The following RTN3 variants were observed in gnomAD, a reference collection of about 807,000 sequenced individuals.
RTN3 encodes the protein reticulon 3.
RTN3 carries 49 observed loss-of-function variants against 77.8 expected under a neutral mutation model. The ratio of observed to expected loss-of-function variants is 0.63; its 90% CI spans 0.50 to 0.80. The LOEUF (loss-of-function observed/expected upper bound fraction) is 0.80, where lower values mean the gene tolerates loss of function less well. Among genes scored for constraint, RTN3 ranks in the 30% least tolerant of loss-of-function variants. The probability of loss-of-function intolerance (pLI) is 0.00; values close to 1 mark genes in which losing one functional copy is unlikely to be tolerated. For missense variants in RTN3, 1,236 were observed against 1,211.9 expected, an observed-to-expected ratio of 1.02 and a Z score of -0.29; for synonymous variants, 464 against 446.9, an observed-to-expected ratio of 1.04 and a Z score of -0.48.
chr11:63,694,888 GA>G (rs1590787431), intron 1 of RTN3, among the ~76,000 whole-genome samples: 1 of 152,220 alleles, frequency 6.6e-6, no homozygotes, highest in East Asian at 1.9e-4. Context: ...ATGGTGCAAA[GA>G]AAGCTTTCCA....
intron 1 of RTN3, among the ~76,000 whole-genome samples, chr11:63,695,107 C>T (rs1364242594): frequency 6.6e-6 from 1 of 152,134 alleles, no homozygotes; most frequent in Non-Finnish European, 1.5e-5. Flanking sequence ...TATGAAGCTC[C>T]TGTAATATTC....
chr11:63,747,691 C>T (rs2013877228), intron 3 of RTN3, among the ~76,000 whole-genome samples: 1 of 152,184 alleles, frequency 6.6e-6, no homozygotes, highest in South Asian at 2.1e-4. Context: ...GAACTAGGTA[C>T]CCTCAAGACA....
At chr11:63,707,187 C>T (rs1942535989) in intron 2 of RTN3, among the ~76,000 whole-genome samples, 1 of 152,130 alleles carries the variant, frequency 6.6e-6, no homozygotes, top group Admixed American at 6.6e-5. Flanking sequence ...GCATGAGTCA[C>T]GTCGCCAGGC....
chr11:63,740,109 G>T (rs1472092271), intron 3 of RTN3, among the ~76,000 whole-genome samples: 1 of 152,116 alleles, frequency 6.6e-6, no homozygotes, highest in East Asian at 1.9e-4. Flanking sequence ...CCCCATAGGT[G>T]ATGTATCATA....
Position 63,719,252 on chromosome 11 carries a change from A to C in RTN3, c.750A>C (p.Val250=). 6.2e-7 allele frequency: 1 copy of C among 1,614,130 alleles called. No individual in the cohort carries two copies. Among genetic ancestry groups the C allele is most frequent in the Non-Finnish European group, 8.5e-7 (1 of 1,179,978 alleles). The stretch of plus-strand genomic sequence containing the variant: ...ATTCCCCTGAATCACCATTTGAAGT[A>C]ATTATTGACAAAGCAGCATTTGACA... ...EKDSPESPFE[V]IIDKAAFDKE... Residue 250 remains valine, a synonymous_variant, in exon 3 of 9, where the codon GTA becomes GTC. Coordinates refer to ENST00000377819, the MANE Select transcript of RTN3 (RefSeq NM_001265589.2).
At chr11:63,723,748 G>A (rs373417435) in intron 3 of RTN3, among the ~76,000 whole-genome samples, 1 of 152,060 alleles carries the variant, frequency 6.6e-6, no homozygotes, top group Non-Finnish European at 1.5e-5. Flanking sequence ...TTTTAAATAC[G>A]TGTATCTGCA....
intron 3 of RTN3, among the ~76,000 whole-genome samples, chr11:63,735,889 A>G (rs755735977): frequency 2.0e-5 from 3 of 152,182 alleles, no homozygotes; most frequent in Non-Finnish European, 1.5e-5. Context: ...AACTTGGAAC[A>G]TTTATTTAAA....
chr11:63,708,463 C>T (rs1762785983), intron 2 of RTN3, among the ~76,000 whole-genome samples: 1 of 152,048 alleles, frequency 6.6e-6, no homozygotes, highest in South Asian at 2.1e-4. Context: ...CATACCTGGC[C>T]TAAATAGGAC....
chr11:63,689,593 C>G (rs1941549039), intron 1 of RTN3, among the ~76,000 whole-genome samples: 1 of 150,984 alleles, frequency 6.6e-6, no homozygotes, highest in Non-Finnish European at 1.5e-5. Flanking sequence ...GTGGCCTGCT[C>G]TTGTGATTTT....
At chr11:63,718,297 C>T (rs902771357) in intron 2 of RTN3, among the ~76,000 whole-genome samples, 1 of 152,058 alleles carries the variant, frequency 6.6e-6, no homozygotes, top group Non-Finnish European at 1.5e-5. Context: ...GTCTATCAAC[C>T]CTTTATAGTA....
intron 8 of RTN3, among the ~76,000 whole-genome samples, chr11:63,757,431 CA>C (rs1437723868): frequency 6.6e-6 from 1 of 152,070 alleles, no homozygotes; most frequent in Non-Finnish European, 1.5e-5. Flanking sequence ...AAGCTCACTG[CA>C]GCCTTGACCT....
Position 63,720,599 on chromosome 11 carries a change from TG to T in RTN3, c.2099del (p.Gly700ValfsTer24). 1 of 1,613,930 alleles carries T rather than the reference TG, an allele frequency of 6.2e-7. No homozygotes were observed. Among genetic ancestry groups the T allele is most frequent in the Non-Finnish European group, 8.5e-7 (1 of 1,179,992 alleles). Reference sequence around the variant, plus strand: ...AAGTCTTACATGAAAATGAGTCCGGTGGTTCTGAAATTAAAGACATTGGAAG... The same window carrying T: ...AAGTCTTACATGAAAATGAGTCCGGTGTTCTGAAATTAAAGACATTGGAAG... ...VEVLHENESG[G>X]SEIKDIGSKY... On this transcript the variant is annotated frameshift_variant, in exon 3 of 9. Coordinates refer to ENST00000377819, the MANE Select transcript of RTN3 (RefSeq NM_001265589.2). LOFTEE classifies it high-confidence loss of function.
At chr11:63,735,143 C>G (rs2013001821) in intron 3 of RTN3, among the ~76,000 whole-genome samples, 1 of 152,096 alleles carries the variant, frequency 6.6e-6, no homozygotes, top group Admixed American at 6.6e-5. Context: ...GTGTGCACCA[C>G]CATACTTGGC....
chr11:63,750,493 C>T, intron 4 of RTN3: 1 of 322,288 alleles, frequency 3.1e-6, no homozygotes, highest in Non-Finnish European at 5.8e-6. Flanking sequence ...GCTCTTGTTG[C>T]CCAGGCTGGA....
intron 3 of RTN3, among the ~76,000 whole-genome samples, chr11:63,731,988 A>G (rs1454592278): frequency 1.3e-5 from 2 of 152,164 alleles, no homozygotes; most frequent in African/African-American, 4.8e-5. Flanking sequence ...GGAAAAGACA[A>G]AAATCTAAAA....
chr11:63,738,662 GAC>G (rs1400452522), intron 3 of RTN3, among the ~76,000 whole-genome samples: 1 of 150,696 alleles, frequency 6.6e-6, no homozygotes, highest in African/African-American at 2.4e-5. Context: ...AGGTAAAGCT[GAC>G]AGACTACTAA....
intron 3 of RTN3, among the ~76,000 whole-genome samples, chr11:63,724,483 C>CT (rs2012079947): frequency 7.8e-6 from 1 of 128,506 alleles, no homozygotes; most frequent in Non-Finnish European, 1.6e-5. Flanking sequence ...CGTGCCCGGC[C>CT]CTTTTTTTTT....
chr11:63,749,964 A>G (rs1254795186), intron 3 of RTN3, 27 bp from the exon 4 acceptor site: 6 of 1,554,682 alleles, frequency 3.9e-6, no homozygotes, highest in Non-Finnish European at 4.4e-6. Flanking sequence ...TGTTTCTTAT[A>G]ACTTATATTC....
intron 3 of RTN3, among the ~76,000 whole-genome samples, chr11:63,736,394 AAAT>A (rs2013123318): frequency 6.6e-6 from 1 of 152,146 alleles, no homozygotes; most frequent in Admixed American, 6.6e-5. Context: ...AAACAATAAA[AAAT>A]AATATAAAGG....
Sources: allele counts gnomAD v4.1 joint callset (sites outside exome capture counted in the v4.1 genomes callset), GRCh38; gene constraint gnomAD v4.1.1; transcripts MANE v1.5; gene names NCBI Gene and HGNC (gene_info 2026-07-23, HGNC 2026-07-21).